Variants in SUPT3H observed in about 807,000 individuals in gnomAD.
SUPT3H encodes the protein transcription initiation protein SPT3 homolog.
SUPT3H carries 44 observed loss-of-function variants against 44.3 expected under a neutral mutation model. That is an observed-to-expected ratio of 0.99 (90% confidence interval 0.78 to 1.28). SUPT3H has a LOEUF of 1.28. Among genes scored for constraint, SUPT3H ranks in the 50% most tolerant of loss-of-function variants. The probability of loss-of-function intolerance (pLI) is 0.00; values close to 1 mark genes in which losing one functional copy is unlikely to be tolerated. For synonymous variants in SUPT3H, 124 were observed against 125.6 expected, an observed-to-expected ratio of 0.99 and a Z score of 0.09; for missense variants, 380 against 387.1, an observed-to-expected ratio of 0.98 and a Z score of 0.15.
intron 11 of SUPT3H, among the ~76,000 whole-genome samples, chr6:44,819,087 G>A (rs943030740): frequency 2.6e-5 from 4 of 152,068 alleles, no homozygotes; most frequent in East Asian, 3.8e-4. Context: ...ACTCAATAGC[G>A]AATGGATGAA....
intron 6 of SUPT3H, among the ~76,000 whole-genome samples, chr6:45,002,168 A>G (rs1782091137): frequency 6.6e-6 from 1 of 152,056 alleles, no homozygotes; most frequent in African/African-American, 2.4e-5. Context: ...ACATAACTAT[A>G]AAGAAGAAGT....
At chr6:44,865,166 TC>T (rs1775306926) in intron 10 of SUPT3H, among the ~76,000 whole-genome samples, 1 of 152,146 alleles carries the variant, frequency 6.6e-6, no homozygotes, top group African/African-American at 2.4e-5. Context: ...CCCAACAAGT[TC>T]CTCATCTCCA....
chr6:45,053,740 C>CAAAAAAAAA (rs57736879), intron 3 of SUPT3H, among the ~76,000 whole-genome samples: 729 of 58,026 alleles, frequency 0.013, no homozygotes, highest in Non-Finnish European at 0.016. Context: ...ACTAAAAATA[C>CAAAAAAAAA]AAAAAAAAAA....
intron 11 of SUPT3H, among the ~76,000 whole-genome samples, chr6:44,810,645 C>T (rs1056869770): frequency 2.0e-5 from 3 of 150,194 alleles, no homozygotes; most frequent in African/African-American, 4.9e-5. Context: ...TGGTGGCTCA[C>T]GCCTGTAATC....
intron 3 of SUPT3H, among the ~76,000 whole-genome samples, chr6:45,080,807 G>A (rs930588358): frequency 6.6e-6 from 1 of 152,032 alleles, no homozygotes; most frequent in Middle Eastern, 3.4e-3. Context: ...GGTAAAGTGG[G>A]GATGGTTAAT....
At chr6:45,223,140 T>C (rs893439785) in intron 2 of SUPT3H, among the ~76,000 whole-genome samples, 107 of 152,188 alleles carry the variant, frequency 7.0e-4, no homozygotes, top group African/African-American at 2.6e-3. Flanking sequence ...ACTGGTGTAG[T>C]AGATACATGA....
intron 2 of SUPT3H, among the ~76,000 whole-genome samples, chr6:45,144,501 A>C (rs553716581): frequency 6.6e-6 from 1 of 152,240 alleles, no homozygotes; most frequent in South Asian, 2.1e-4. Context: ...GAGGTGACAC[A>C]CTTCAAGGAA....
intron 2 of SUPT3H, among the ~76,000 whole-genome samples, chr6:45,264,942 G>T (rs1025252713): frequency 7.2e-5 from 11 of 151,984 alleles, no homozygotes; most frequent in Non-Finnish European, 1.5e-4. Flanking sequence ...AATGTAAAAA[G>T]GATAAACATC....
intron 3 of SUPT3H, among the ~76,000 whole-genome samples, chr6:45,105,665 G>A (rs1799171787): frequency 1.3e-5 from 2 of 152,186 alleles, no homozygotes; most frequent in East Asian, 1.9e-4. Context: ...ACTGCCCAGG[G>A]GAACAAGGGT....
intron 6 of SUPT3H, among the ~76,000 whole-genome samples, chr6:44,967,053 A>G (rs1427836045): frequency 6.6e-6 from 1 of 152,214 alleles, no homozygotes; most frequent in East Asian, 1.9e-4. Context: ...GAACATTCAT[A>G]AAATATGCAA....
At chr6:44,933,781 C>A (rs1770970213) in intron 9 of SUPT3H, among the ~76,000 whole-genome samples, 1 of 152,094 alleles carries the variant, frequency 6.6e-6, no homozygotes, top group Non-Finnish European at 1.5e-5. Flanking sequence ...GTAGCTGAGA[C>A]TAAAGGCAAG....
At chr6:45,255,423 T>TG (rs1186036218) in intron 2 of SUPT3H, among the ~76,000 whole-genome samples, 1 of 149,852 alleles carries the variant, frequency 6.7e-6, no homozygotes, top group Non-Finnish European at 1.5e-5. Flanking sequence ...AATAGGTTTT[T>TG]TTTTTTTTTT....
chr6:44,844,083 A>G (rs1771468085), intron 10 of SUPT3H, among the ~76,000 whole-genome samples: 1 of 152,008 alleles, frequency 6.6e-6, no homozygotes, highest in Non-Finnish European at 1.5e-5. Flanking sequence ...AGAGAGTCCA[A>G]ATAGACCTAC....
At chr6:44,888,090 C>G (rs1471981220) in intron 10 of SUPT3H, among the ~76,000 whole-genome samples, 1 of 152,068 alleles carries the variant, frequency 6.6e-6, no homozygotes, top group Non-Finnish European at 1.5e-5. Flanking sequence ...CTGAATAGAC[C>G]AATAAGAGGC....
At chr6:44,946,522 C>A (rs1382947284) in intron 9 of SUPT3H, among the ~76,000 whole-genome samples, 1 of 152,094 alleles carries the variant, frequency 6.6e-6, no homozygotes, top group African/African-American at 2.4e-5. Context: ...TTCCAGCTAT[C>A]ACGAATGGCT....
intron 2 of SUPT3H, among the ~76,000 whole-genome samples, chr6:45,156,753 A>G (rs1188009456): frequency 6.6e-6 from 1 of 151,764 alleles, no homozygotes; most frequent in African/African-American, 2.4e-5. Context: ...CTCTTAATAT[A>G]TATATATATT....
At chr6:44,845,115 A>G (rs955489631) in intron 10 of SUPT3H, among the ~76,000 whole-genome samples, 1 of 152,214 alleles carries the variant, frequency 6.6e-6, no homozygotes, top group African/African-American at 2.4e-5. Context: ...GAAAAATTAT[A>G]TGACTAGAGT....
chr6:45,310,053 G>A lies in SUPT3H; in HGVS notation c.101+55148C>T, dbSNP rs114942213. 5.8e-3 allele frequency among the ~76,000 whole-genome samples: 882 copies of A among 152,238 alleles called. 5 individuals are homozygous for A. The highest frequency in any genetic ancestry group is 0.018 in the African/African-American group (748 of 41,540). On this transcript the variant is annotated intron_variant, in intron 2 of 10. Coordinates refer to ENST00000371459, the MANE Select transcript of SUPT3H (RefSeq NM_003599.4). ...GAAAGCCTCTGGTAAGTTTTCAAGC[G>A]TGCCCTCCACCTGGAAACAGACTTG...
At chr6:44,852,365 A>C (rs918340036) in intron 10 of SUPT3H, among the ~76,000 whole-genome samples, 1 of 152,188 alleles carries the variant, frequency 6.6e-6, no homozygotes, top group African/African-American at 2.4e-5. Context: ...ACTGAAAGCC[A>C]TATTATAGAG....
Sources: gnomAD v4.1 joint callset for allele counts (sites outside exome capture counted in the v4.1 genomes callset) on GRCh38, gnomAD v4.1.1 for gene constraint, MANE v1.5 for transcripts, NCBI Gene and HGNC (gene_info 2026-07-23, HGNC 2026-07-21) for gene names.